Variants in PSMD8 observed in about 807,000 individuals in gnomAD.
PSMD8 encodes proteasome 26S subunit, non-ATPase 8, also known as 26S proteasome non-ATPase regulatory subunit 8.
Under a neutral mutation model 40.0 loss-of-function variants are expected in PSMD8, and 30 were observed. The ratio of observed to expected loss-of-function variants is 0.75; its 90% CI spans 0.56 to 1.02. PSMD8 has a LOEUF of 1.02. Ranked by LOEUF, PSMD8 falls within the 50% of genes least tolerant of loss-of-function variation. The pLI, the probability that PSMD8 is intolerant of heterozygous loss-of-function variation, is 0.00. For synonymous variants in PSMD8, 208 were observed against 192.5 expected (o/e 1.08, Z -0.67); for missense variants, 461 against 463.9 (o/e 0.99, Z 0.06).
At position 38,383,357 on chromosome 19, in the gene PSMD8, C is replaced by T. The variant is rs779319532; in HGVS notation, c.1020C>T (p.Ile340=). Residue 340 remains isoleucine (I), a synonymous_variant, in exon 7 of 7, where the codon ATC becomes ATT. Transcript: ENST00000215071. The part of the protein sequence containing the change: ...IPSTELAKQV[I]EYARQLEMIV ...CCACAGAACTGGCCAAACAGGTCATCGAGTATGCCCGGCAGCTGGAGATGA... is the reference window on the plus strand; with the variant it reads ...CCACAGAACTGGCCAAACAGGTCATTGAGTATGCCCGGCAGCTGGAGATGA... The T allele has an allele frequency of 5.0e-6, 8 of 1,613,874 alleles. No homozygotes were observed. Among genetic ancestry groups the T allele is most frequent in the East Asian group, 2.2e-5 (1 of 44,878 alleles).
rs201667645 is a variant in PSMD8 at position 38,379,344 on chromosome 19, G to A, written c.641G>A (p.Arg214Gln). ...RVAEFHTELE[R>Q]LPAKDIQTNV... ...GCTGAGTTCCACACGGAGTTGGAGCGGCTGCCTGCCAAGGACATACAGACC... is the reference window on the plus strand; with the variant it reads ...GCTGAGTTCCACACGGAGTTGGAGCAGCTGCCTGCCAAGGACATACAGACC... Residue 214 changes from arginine (R) to glutamine (Q), a missense_variant, in exon 4 of 7, where the codon CGG (arginine) becomes CAG (glutamine). This residue lies in a region of PSMD8 where 236 missense variants were observed against 321.2 expected (regional missense o/e 0.73). Transcript: ENST00000215071. 8.1e-5 allele frequency: 130 copies of A among 1,613,856 alleles called. 1 individual carries two copies. The highest frequency in any genetic ancestry group is 5.1e-5 in the Non-Finnish European group (60 of 1,179,890).
At chr19:38,376,093 G>C (rs1970595197) in intron 1 of PSMD8, 67 bp from the exon 2 acceptor site, 1 of 1,419,874 alleles carries the variant, frequency 7.0e-7, no homozygotes, top group Admixed American at 1.9e-5. Context: ...CCAGAGCGTA[G>C]AGCAGGTAAG....
chr19:38,382,937 G>T, intron 6 of PSMD8: 1 of 298,704 alleles, frequency 3.3e-6, no homozygotes. Context: ...AAAAGAAGAA[G>T]GTGAAATTGA....
chr19:38,376,096 C>G, intron 1 of PSMD8, 64 bp from the exon 2 acceptor site: 2 of 1,423,966 alleles, frequency 1.4e-6, no homozygotes, highest in African/African-American at 2.8e-5. Flanking sequence ...GAGCGTAGAG[C>G]AGGTAAGTCA....
At chr19:38,381,059 C>A in intron 5 of PSMD8, 60 bp downstream of exon 5, 1 of 1,299,738 alleles carries the variant, frequency 7.7e-7, no homozygotes, top group Non-Finnish European at 1.1e-6. Flanking sequence ...AGTCGGACAG[C>A]TCCGAGTCTG....
rs201665089 is a variant in PSMD8 at position 38,374,779 on chromosome 19, G to A, written c.178G>A (p.Ala60Thr). The change falls in exon 1 of 7, where the codon GCA (alanine) becomes ACA (threonine). Residue 60 changes from alanine (A) to threonine (T), a missense_variant. Transcript: ENST00000215071. The stretch of plus-strand genomic sequence containing the variant: ...CCGTAAATCAGGCGGTCTGCTTGCC[G>A]CATCACGCAAGATGGCGGCCGCGGC... ...RCRKSGGLLA[A>T]SRKMAAAAVN... The A allele has an allele frequency of 9.0e-4, 1,420 of 1,570,564 alleles. 8 individuals are homozygous for A. In the African/African-American group the frequency reaches 0.015, roughly 17 times the overall value.
intron 3 of PSMD8, among the ~76,000 whole-genome samples, chr19:38,378,507 CAAA>C (rs1228248417): frequency 1.4e-4 from 10 of 71,732 alleles, no homozygotes; most frequent in Admixed American, 3.3e-4. Context: ...GACTCCGTCT[CAAA>C]AAAAAAAAAA....
At chr19:38,376,037 C>G (rs879126383) in intron 1 of PSMD8, 123 bp from the exon 2 acceptor site, 4 of 965,472 alleles carry the variant, frequency 4.1e-6, no homozygotes, top group Middle Eastern at 3.1e-4. Context: ...GAAAGCATTC[C>G]TCATGAGTCT....
intron 6 of PSMD8, chr19:38,382,660 A>G (rs945070794): frequency 3.7e-6 from 1 of 272,474 alleles, no homozygotes; most frequent in Admixed American, 4.9e-5. Flanking sequence ...ACCTAGGCTC[A>G]CTCTGGGAGG....
At chr19:38,383,015 A>G (rs1275843255) in intron 6 of PSMD8, among the ~76,000 whole-genome samples, 1 of 152,132 alleles carries the variant, frequency 6.6e-6, no homozygotes, top group Non-Finnish European at 1.5e-5. Context: ...CAGTGCTTTA[A>G]AGATGTTGAT....
At chr19:38,377,930 G>C (rs371188090) in intron 3 of PSMD8, among the ~76,000 whole-genome samples, 1 of 151,056 alleles carries the variant, frequency 6.6e-6, no homozygotes, top group African/African-American at 2.4e-5. Flanking sequence ...GTGAGCCACC[G>C]CGCCCGGCCA....
intron 1 of PSMD8, 135 bp downstream of exon 1, chr19:38,375,096 G>A (rs941234869): frequency 7.1e-7 from 1 of 1,401,526 alleles, no homozygotes. Context: ...GGGATCCGAT[G>A]GGGTGAAAGA....
At chr19:38,378,094 G>T (rs1970611960) in intron 3 of PSMD8, among the ~76,000 whole-genome samples, 1 of 152,218 alleles carries the variant, frequency 6.6e-6, no homozygotes, top group South Asian at 2.1e-4. Flanking sequence ...GGGCATGATG[G>T]CACATGCCTG....
Position 38,383,662 on chromosome 19 carries a change from G to C in PSMD8, c.*272G>C. 4.1e-6 allele frequency: 2 copies of C among 487,810 alleles called. No individual in the cohort carries two copies. Among genetic ancestry groups the C allele is most frequent in the South Asian group, 4.7e-5 (2 of 42,748 alleles). 30.2% of individuals were successfully genotyped at this position (487,810 alleles called of 1,614,324 possible). A position where few individuals can be genotyped will look rare whatever the true frequency, so the allele number is the denominator to read the frequency against. On this transcript the variant is annotated 3_prime_UTR_variant, in exon 7 of 7. Transcript: ENST00000215071. The stretch of plus-strand genomic sequence containing the variant: ...CCCACTGTGGGGCCCCAGCAGCACT[G>C]TGGCCTGCAGGAGGGCATGGCCCCA...
intron 1 of PSMD8, chr19:38,375,230 C>T: frequency 1.9e-6 from 1 of 518,672 alleles, no homozygotes. Flanking sequence ...GTCGCTTGAG[C>T]CCAGGAGTTC....
Position 38,374,796 on chromosome 19 carries a change from G to T in PSMD8, c.195G>T (p.Ala65=). 6.4e-7 allele frequency: 1 copy of T among 1,571,878 alleles called. No homozygotes were observed. Among genetic ancestry groups the T allele is most frequent in the South Asian group, 1.1e-5 (1 of 87,016 alleles). The stretch of plus-strand genomic sequence containing the variant: ...TGCTTGCCGCATCACGCAAGATGGC[G>T]GCCGCGGCGGTGAACGGGGCGGCAG... ...GGLLAASRKM[A]AAAVNGAAGF... is the part of the protein sequence containing the mutation. The change falls in exon 1 of 7, where the codon GCG becomes GCT. Residue 65 remains alanine (A), a synonymous_variant. Transcript: ENST00000215071.
intron 6 of PSMD8, chr19:38,382,439 G>A (rs1970649269): frequency 1.7e-6 from 1 of 594,476 alleles, no homozygotes; most frequent in Non-Finnish European, 3.0e-6. Context: ...CCTGGCAGCA[G>A]CTGGAGGTGG....
chr19:38,381,273 G>A (rs947974829), intron 5 of PSMD8: 6 of 360,656 alleles, frequency 1.7e-5, no homozygotes, highest in Middle Eastern at 7.5e-4. Flanking sequence ...GGGATTGTGC[G>A]GCCTGTCTTA....
intron 4 of PSMD8, among the ~76,000 whole-genome samples, chr19:38,379,920 C>T (rs940058559): frequency 4.6e-5 from 7 of 152,116 alleles, no homozygotes; most frequent in African/African-American, 1.7e-4. Flanking sequence ...ATGATCACAC[C>T]ACTGTATTCT....
Sources: gnomAD v4.1 joint callset for allele counts (sites outside exome capture counted in the v4.1 genomes callset) on GRCh38, gnomAD v4.1.1 for gene constraint, gnomAD v4.1.1 regional missense constraint, MANE v1.5 for transcripts, NCBI Gene and HGNC (gene_info 2026-07-23, HGNC 2026-07-21) for gene names.